CREB3L2: variants seen among roughly 807,000 people sequenced by gnomAD.
CREB3L2 encodes cyclic AMP-responsive element-binding protein 3-like protein 2.
A neutral mutation model predicts 57.2 loss-of-function variants in CREB3L2; 23 were observed. The ratio of observed to expected loss-of-function variants is 0.40; its 90% CI spans 0.29 to 0.57. The LOEUF is 0.57. Among genes scored for constraint, CREB3L2 ranks in the 20% least tolerant of loss-of-function variants. The probability of loss-of-function intolerance (pLI) is 0.42; values close to 1 mark genes in which losing one functional copy is unlikely to be tolerated. For synonymous variants in CREB3L2, 268 were observed against 265.1 expected, an observed-to-expected ratio of 1.01 and a Z score of -0.11; for missense variants, 628 against 634.7, an observed-to-expected ratio of 0.99 and a Z score of 0.11.
At chr7:137,984,375 T>C (rs538511829) in intron 1 of CREB3L2, among the ~76,000 whole-genome samples, 5 of 152,344 alleles carry the variant, frequency 3.3e-5, no homozygotes, top group African/African-American at 9.6e-5. Flanking sequence ...CCCTGGCTTG[T>C]CCTAATATAG....
At chr7:137,935,885 T>G in intron 1 of CREB3L2, 1 of 390,008 alleles carries the variant, frequency 2.6e-6, no homozygotes, top group Non-Finnish European at 3.5e-6. Context: ...CTCTGAAGCA[T>G]TTACGCTTTG....
chr7:137,931,536 A>AC (rs934142190), intron 1 of CREB3L2, among the ~76,000 whole-genome samples: 5 of 151,402 alleles, frequency 3.3e-5, no homozygotes, highest in Non-Finnish European at 4.4e-5. Flanking sequence ...AAAAAAAAAA[A>AC]AAAAAAACTG....
chr7:137,908,924 C>T (rs564886060), intron 4 of CREB3L2, among the ~76,000 whole-genome samples: 4 of 152,058 alleles, frequency 2.6e-5, no homozygotes, highest in Non-Finnish European at 5.9e-5. Flanking sequence ...TGCAGTGAGC[C>T]GAGATCATGC....
intron 8 of CREB3L2, among the ~76,000 whole-genome samples, chr7:137,897,654 C>T (rs1316497436): frequency 3.9e-5 from 6 of 152,230 alleles, no homozygotes; most frequent in African/African-American, 7.2e-5. Flanking sequence ...TGAGCCACTG[C>T]GCCTGATCAA....
chr7:137,962,785 T>C (rs899282020), intron 1 of CREB3L2, among the ~76,000 whole-genome samples: 1 of 152,162 alleles, frequency 6.6e-6, no homozygotes, highest in African/African-American at 2.4e-5. Context: ...GTCTACTTGA[T>C]TCACTGCTAC....
rs757903752 is a variant in CREB3L2, at chr7:137,916,154, G to A, written c.320-142C>T. On this transcript the variant is annotated intron_variant, in intron 2 of 11. Coordinates refer to ENST00000330387, the MANE Select transcript of CREB3L2 (RefSeq NM_194071.4). ...GAATAAAAGAAAATGAAATATGTGA[G>A]GGAAAAGATTGATAGATATGAACAG... The A allele has an allele frequency of 2.8e-5, 17 of 605,870 alleles. 1 individual carries two copies. Among genetic ancestry groups the A allele is most frequent in the Middle Eastern group, 4.3e-4 (1 of 2,336 alleles). 37.5% of individuals were successfully genotyped at this position (605,870 alleles called of 1,614,324 possible). A position where few individuals can be genotyped will look rare whatever the true frequency, so the allele number is the denominator to read the frequency against.
intron 1 of CREB3L2, among the ~76,000 whole-genome samples, chr7:137,967,389 A>G (rs1409177616): frequency 1.3e-5 from 2 of 152,102 alleles, no homozygotes; most frequent in African/African-American, 2.4e-5. Context: ...AATTTACCTA[A>G]CTTTGGGCCA....
intron 8 of CREB3L2, among the ~76,000 whole-genome samples, chr7:137,890,739 T>C (rs765229): frequency 0.24 from 35,789 of 152,120 alleles, 4,907 homozygotes; most frequent in South Asian, 0.34. Context: ...TGGTTTGAGA[T>C]GATGTGGCAC....
At chr7:137,985,142 T>G (rs1055477901) in intron 1 of CREB3L2, among the ~76,000 whole-genome samples, 12 of 152,172 alleles carry the variant, frequency 7.9e-5, no homozygotes, top group Non-Finnish European at 4.4e-5. Flanking sequence ...AAAGCAATAA[T>G]AAGACATTAT....
At chr7:137,964,415 A>G (rs574548360) in intron 1 of CREB3L2, among the ~76,000 whole-genome samples, 7 of 152,244 alleles carry the variant, frequency 4.6e-5, no homozygotes, top group Non-Finnish European at 1.0e-4. Flanking sequence ...TCACTACCAA[A>G]TCAATCATGT....
chr7:137,882,821 T>A (rs577369770), intron 10 of CREB3L2, among the ~76,000 whole-genome samples, 193 bp from the exon 11 acceptor site: 1 of 152,276 alleles, frequency 6.6e-6, no homozygotes, highest in East Asian at 1.9e-4. Context: ...TGAAAAATTA[T>A]ACCAATTATA....
In CREB3L2 at chr7:137,879,049, C is replaced by A; in HGVS notation, c.*1427G>T. The stretch of plus-strand genomic sequence containing the variant: ...GCACATTTCCTACACAAAATCTTTC[C>A]CAAGCTCGGAAAAAACACTTGAGGG... On this transcript the variant is annotated 3_prime_UTR_variant, in exon 12 of 12. Transcript: ENST00000330387. The A allele has an allele frequency of 7.0e-6, 3 of 427,058 alleles. No individual in the cohort carries two copies. The highest frequency in any genetic ancestry group is 8.8e-6 in the Non-Finnish European group (2 of 227,150). 26.5% of individuals were successfully genotyped at this position (427,058 alleles called of 1,614,324 possible).
intron 2 of CREB3L2, among the ~76,000 whole-genome samples, 158 bp downstream of exon 2, chr7:137,927,992 T>C (rs961493362): frequency 6.6e-6 from 1 of 152,150 alleles, no homozygotes; most frequent in East Asian, 1.9e-4. Context: ...TGGGCCTCTT[T>C]GCTTTTCCCC....
At chr7:137,957,891 G>C in intron 1 of CREB3L2, 1 of 672,590 alleles carries the variant, frequency 1.5e-6, no homozygotes, top group Non-Finnish European at 2.3e-6. Context: ...CAGGGTGGAA[G>C]ACTGTTTGGT....
chr7:137,972,483 G>C (rs1801523308), intron 1 of CREB3L2, among the ~76,000 whole-genome samples: 1 of 150,986 alleles, frequency 6.6e-6, no homozygotes, highest in Non-Finnish European at 1.5e-5. Context: ...TTTTTTGCTT[G>C]TTTTTTAGTT....
intron 1 of CREB3L2, among the ~76,000 whole-genome samples, chr7:137,934,761 C>A (rs1800743704): frequency 6.6e-6 from 1 of 152,170 alleles, no homozygotes; most frequent in South Asian, 2.1e-4. Flanking sequence ...GATACTTATT[C>A]GGCCTTAATG....
intron 1 of CREB3L2, among the ~76,000 whole-genome samples, chr7:137,990,615 G>A (rs973067743): frequency 1.3e-5 from 2 of 152,176 alleles, no homozygotes; most frequent in African/African-American, 4.8e-5. Flanking sequence ...CAGGATGCGA[G>A]GGGAAGGAAG....
intron 1 of CREB3L2, among the ~76,000 whole-genome samples, chr7:137,938,138 G>A (rs273985): frequency 0.67 from 102,316 of 151,976 alleles, 34,814 homozygotes; most frequent in East Asian, 0.83. Flanking sequence ...TAGAATGTAC[G>A]ACACAAGAGT....
rs1802064362 is a variant in CREB3L2 at position 138,001,057 on chromosome 7, C to T, written c.102+547G>A. ...TAAGAAAGCAAATAAAGCCGCCTTTCTCCCTAACGTAGAGGAGCCCTTTCA... is the reference window on the plus strand; with the variant it reads ...TAAGAAAGCAAATAAAGCCGCCTTTTTCCCTAACGTAGAGGAGCCCTTTCA... On this transcript the variant is annotated intron_variant, in intron 1 of 11. Coordinates refer to ENST00000330387, the MANE Select transcript of CREB3L2 (RefSeq NM_194071.4). The surrounding 1 kb of genome is among the most constrained non-coding windows in gnomAD (Gnocchi z 4.2). 6.7e-6 allele frequency among the ~76,000 whole-genome samples: 1 copy of T among 149,018 alleles called. No homozygotes were observed. Among genetic ancestry groups the T allele is most frequent in the Non-Finnish European group, 1.5e-5 (1 of 67,304 alleles).
Sources: allele counts gnomAD v4.1 joint callset (sites outside exome capture counted in the v4.1 genomes callset), GRCh38; gene constraint gnomAD v4.1.1; non-coding constraint Gnocchi (gnomAD v3.1); transcripts MANE v1.5; gene names NCBI Gene and HGNC (gene_info 2026-07-23, HGNC 2026-07-21).